The following TULP1 variants were observed in gnomAD, a reference collection of about 807,000 sequenced individuals.
TULP1 encodes TUB like protein 1.
Under a neutral mutation model 67.1 loss-of-function variants are expected in TULP1, and 50 were observed. The observed-to-expected ratio is 0.75, with a 90% CI of 0.59 to 0.94. The LOEUF (loss-of-function observed/expected upper bound fraction) is 0.94, where lower values mean the gene tolerates loss of function less well. TULP1 is among the 40% of genes least tolerant of loss of function. TULP1 has a pLI of 0.00. For synonymous variants in TULP1, 297 were observed against 294.0 expected (o/e 1.01, Z -0.11); for missense variants, 746 against 734.1 (o/e 1.02, Z -0.19).
chr6:35,505,949 G>T (rs1437645048), intron 10 of TULP1, 54 bp downstream of exon 10: 4 of 1,613,928 alleles, frequency 2.5e-6, no homozygotes, highest in Non-Finnish European at 3.4e-6. Context: ...TTGTCCCGTG[G>T]CCCCCATGCC....
intron 13 of TULP1, among the ~76,000 whole-genome samples, chr6:35,501,056 G>T (rs996919255): frequency 6.6e-6 from 1 of 152,142 alleles, no homozygotes; most frequent in African/African-American, 2.4e-5. Flanking sequence ...AGTCTCCTGT[G>T]AGGATGGGGC....
chr6:35,505,743 C>T lies in TULP1; in HGVS notation c.1110G>A (p.Leu370=). 6.2e-7 allele frequency: 1 copy of T among 1,614,184 alleles called. No homozygotes were observed. The highest frequency in any genetic ancestry group is 8.5e-7 in the Non-Finnish European group (1 of 1,180,022). ...SRGGENFIGK[L]RSNLLGNRFT... is the part of the protein sequence containing the mutation. ...AGCCCCAGGAAGCCCAGCCCCACCT[C>T]AGCTTCCCGATGAAATTCTCCCCTC... is the stretch of plus-strand genomic sequence containing the variant. The change falls in exon 11 of 15, where the codon CTG becomes CTA. Residue 370 remains leucine, a splice_region_variant and synonymous_variant. Transcript: ENST00000229771.
At chr6:35,504,203 G>A in intron 11 of TULP1, 1 of 293,548 alleles carries the variant, frequency 3.4e-6, no homozygotes, top group South Asian at 3.4e-5. Context: ...TCTAGGCACG[G>A]TGGCATGTGC....
Position 35,503,823 on chromosome 6 carries a change from T to C in TULP1, c.1138A>G (p.Thr380Ala), listed in dbSNP as rs756531522. 3.1e-6 allele frequency: 5 copies of C among 1,611,752 alleles called. No individual in the cohort carries two copies. The South Asian group carries it at 4.4e-5, about 14-fold the overall frequency. ...LRSNLLGNRF[T>A]VFDNGQNPQR... ...GGGTTCTGCCCGTTGTCAAAGACCG[T>C]GAAGCGGTTCCCCAGGAGGTTGGAC... Residue 380 changes from threonine (T) to alanine (A), a missense_variant, in exon 12 of 15, where the codon ACG becomes GCG. By Grantham distance (58) the Thr-to-Ala change is moderately conservative (BLOSUM62 0). This residue lies in a region of TULP1 where 383 missense variants were observed against 374.1 expected (regional missense o/e 1.02). Coordinates refer to ENST00000229771, the MANE Select transcript of TULP1 (RefSeq NM_003322.6). The surrounding 1 kb of genome is among the most constrained non-coding windows in gnomAD (Gnocchi z 4.0).
In TULP1 at chr6:35,512,504, C is replaced by T. The variant is rs938362269; in HGVS notation, c.99+135G>A. On this transcript the variant is annotated intron_variant, in intron 2 of 14. Transcript: ENST00000229771. ...CCCAAGTCCCCAAACAGCCCTTTCT[C>T]CCCCCAGATCTCCAGACATGCAACC... 11 of 1,215,188 alleles carry T rather than the reference C, an allele frequency of 9.1e-6. No individual in the cohort carries two copies. The Admixed American group carries it at 1.4e-4, about 15-fold the overall frequency. 75.3% of individuals were successfully genotyped at this position (1,215,188 alleles called of 1,614,324 possible). A position where few individuals can be genotyped will look rare whatever the true frequency, so the allele number is the denominator to read the frequency against.
At position 35,509,089 on chromosome 6, in the gene TULP1, G is replaced by A. The variant is rs183909549; in HGVS notation, c.822+120C>T. 7.9e-4 allele frequency: 692 copies of A among 873,610 alleles called. 2 individuals carry two copies. In the African/African-American group the frequency reaches 9.8e-3, roughly 12 times the overall value. 54.1% of individuals were successfully genotyped at this position (873,610 alleles called of 1,614,324 possible). A position where few individuals can be genotyped will look rare whatever the true frequency, so the allele number is the denominator to read the frequency against. On this transcript the variant is annotated intron_variant, in intron 8 of 14. Coordinates refer to ENST00000229771, the MANE Select transcript of TULP1 (RefSeq NM_003322.6). ...TTTGTCCTTATATCCTGTCACAAGA[G>A]GGGGAGCCAAGGTTCTAACCTCAAG...
chr6:35,505,430 C>T (rs1406218870), intron 11 of TULP1: 1 of 500,638 alleles, frequency 2.0e-6, no homozygotes, highest in Non-Finnish European at 3.6e-6. Flanking sequence ...CAGCCCTAAA[C>T]AAGGCAGGCA....
At chr6:35,499,275 C>T (rs1768777494) in intron 14 of TULP1, among the ~76,000 whole-genome samples, 1 of 152,208 alleles carries the variant, frequency 6.6e-6, no homozygotes, top group Non-Finnish European at 1.5e-5. Flanking sequence ...ACAGAGTAGG[C>T]ACTCAAAAAT....
intron 13 of TULP1, among the ~76,000 whole-genome samples, chr6:35,500,608 T>C (rs564344252): frequency 6.6e-6 from 1 of 152,320 alleles, no homozygotes; most frequent in Non-Finnish European, 1.5e-5. Flanking sequence ...AATGTGCCCT[T>C]AAGATCTTTC....
intron 8 of TULP1, among the ~76,000 whole-genome samples, chr6:35,506,781 G>A (rs1177182366): frequency 1.3e-5 from 2 of 152,090 alleles, no homozygotes; most frequent in African/African-American, 4.8e-5. Context: ...AGGTGGGGCT[G>A]GGGCATGAGT....
Position 35,501,007 on chromosome 6 carries a change from G to A in TULP1, c.1324-855C>T, listed in dbSNP as rs546539101. On this transcript the variant is annotated intron_variant, in intron 13 of 14. Transcript: ENST00000229771. ...AGGGAAGGATGTGTGATCAGCTGAC[G>A]GGGTATTATCTTTCATTGTAAATGA... Among the ~76,000 whole-genome samples the A allele has an allele frequency of 6.6e-5, 10 of 152,160 alleles. 1 individual carries two copies. The South Asian group carries it at 8.3e-4, about 13-fold the overall frequency.
At position 35,502,188 on chromosome 6, in the gene TULP1, A is replaced by ATTAT. The variant is rs577668828; in HGVS notation, c.1323+1367_1323+1370dup. On this transcript the variant is annotated intron_variant, in intron 13 of 14. Transcript: ENST00000229771. ...TTTAAATTTTTTCTTTTTATTTTTT[A>ATTAT]TTATTTATTTATTTATTTATTTTGA... Among the ~76,000 whole-genome samples, 53 of 151,118 alleles carry ATTAT rather than the reference A, an allele frequency of 3.5e-4. No homozygotes were observed. The East Asian group carries it at 7.8e-3, about 22-fold the overall frequency.
Position 35,505,858 on chromosome 6 carries a change from G to A in TULP1, c.1000-5C>T, listed in dbSNP as rs754759338. 2 of 1,614,226 alleles carry A rather than the reference G, an allele frequency of 1.2e-6. No homozygotes were observed. The highest frequency in any genetic ancestry group is 3.3e-5 in the Admixed American group (2 of 60,026). On this transcript the variant is annotated splice_polypyrimidine_tract_variant and splice_region_variant and intron_variant, in intron 10 of 14. Transcript: ENST00000229771. ...CCTGCCAGCCAAGAGGAACACCTGG[G>A]GAAAAGGGGAGACAGGTGAGAGGAT...
At chr6:35,502,999 A>G (rs546943806) in intron 13 of TULP1, among the ~76,000 whole-genome samples, 1 of 152,054 alleles carries the variant, frequency 6.6e-6, no homozygotes, top group East Asian at 1.9e-4. Flanking sequence ...GTGCAGTGGC[A>G]CCATCTCGGC....
At position 35,510,993 on chromosome 6, in the gene TULP1, C is replaced by G. The variant is rs758112488; in HGVS notation, c.367G>C (p.Glu123Gln). ...TCCTCTTCCTCGTCCTCCTCGTCCT[C>G]CTCTTCCTCCTCCTCCTCTGCAGGT... ...DAEDEEEEEE[E>Q]DEEDEEEEAE... The change falls in exon 5 of 15, where the codon GAG (glutamate) becomes CAG (glutamine). Residue 123 changes from glutamate to glutamine, a missense_variant. By Grantham distance (29) the Glu-to-Gln change is conservative. Coordinates refer to ENST00000229771, the MANE Select transcript of TULP1 (RefSeq NM_003322.6). The G allele has an allele frequency of 1.1e-5, 17 of 1,602,926 alleles. No individual in the cohort carries two copies. The Admixed American group carries it at 2.8e-4, about 27-fold the overall frequency.
intron 8 of TULP1, among the ~76,000 whole-genome samples, chr6:35,508,721 C>T (rs1318799574): frequency 3.9e-5 from 6 of 152,146 alleles, no homozygotes; most frequent in African/African-American, 1.4e-4. Context: ...TCCTGATGGG[C>T]AGTATTAACC....
intron 11 of TULP1, chr6:35,505,502 G>C: frequency 8.5e-7 from 1 of 1,170,626 alleles, no homozygotes; most frequent in Non-Finnish European, 1.2e-6. Context: ...TGGCAGCAGT[G>C]TGGGCATCGC....
At chr6:35,501,583 AG>A (rs1169224187) in intron 13 of TULP1, among the ~76,000 whole-genome samples, 2 of 141,350 alleles carry the variant, frequency 1.4e-5, no homozygotes, top group Non-Finnish European at 3.0e-5. Context: ...AGGCTGAGGC[AG>A]GTGGGTCACT....
chr6:35,498,380 G>C lies in TULP1; in HGVS notation c.1576C>G (p.Gln526Glu). ...CTGGAGAGGGCGATGGCGAAGGCCT[G>C]CAGGGCGCACAGCGGGTACCGGTAG... is the stretch of plus-strand genomic sequence containing the variant. ...LDYRYPLCAL[Q>E]AFAIALSSFD... Residue 526 changes from glutamine to glutamate, a missense_variant, in exon 15 of 15, where the codon CAG (glutamine) becomes GAG (glutamate). This residue lies in a region of TULP1 where 383 missense variants were observed against 374.1 expected (regional missense o/e 1.02). Coordinates refer to ENST00000229771, the MANE Select transcript of TULP1 (RefSeq NM_003322.6). The surrounding 1 kb of genome is among the most constrained non-coding windows in gnomAD (Gnocchi z 6.7). 6.2e-7 allele frequency: 1 copy of C among 1,613,774 alleles called. No individual in the cohort carries two copies. The highest frequency in any genetic ancestry group is 8.5e-7 in the Non-Finnish European group (1 of 1,179,944).
Sources: allele counts gnomAD v4.1 joint callset (sites outside exome capture counted in the v4.1 genomes callset), GRCh38; gene constraint gnomAD v4.1.1; regional missense constraint gnomAD v4.1.1; non-coding constraint Gnocchi (gnomAD v3.1); transcripts MANE v1.5; gene names NCBI Gene and HGNC (gene_info 2026-07-23, HGNC 2026-07-21).